DNAH12: variants seen among roughly 807,000 people sequenced by gnomAD.
DNAH12 encodes the protein axonemal beta dynein heavy chain 12.
In DNAH12, 285 loss-of-function variants were observed where a neutral mutation model predicts 371.5. The ratio of observed to expected loss-of-function variants is 0.77; its 90% confidence interval spans 0.70 to 0.85. The LOEUF (loss-of-function observed/expected upper bound fraction) is 0.85. DNAH12 is among the 40% of genes least tolerant of loss of function. The pLI, the probability that DNAH12 is intolerant of heterozygous loss-of-function variation, is 0.00. For missense variants in DNAH12, 3,611 were observed against 3,689.4 expected (o/e 0.98, Z 0.55); for synonymous variants, 1,200 against 1,213.0 (o/e 0.99, Z 0.22).
At chr3:57,449,552 G>A (rs1347518062) in intron 25 of DNAH12, among the ~76,000 whole-genome samples, 1 of 152,202 alleles carries the variant, frequency 6.6e-6, no homozygotes, top group Non-Finnish European at 1.5e-5. Flanking sequence ...TGGCACTGCT[G>A]GGGGACCCAG....
rs553194828 is a variant in DNAH12 at position 57,346,176 on chromosome 3, T to C, written c.9674+5909A>G. Among the ~76,000 whole-genome samples, 62 of 152,272 alleles carry C rather than the reference T, an allele frequency of 4.1e-4. No homozygotes were observed. The South Asian group carries it at 0.011, about 28-fold the overall frequency. On this transcript the variant is annotated intron_variant, in intron 60 of 73. Coordinates refer to ENST00000495027, the MANE Select transcript of DNAH12 (RefSeq NM_001366028.2). Reference sequence around the variant, plus strand: ...GGAACCAAAAAATACATACAATTATTATATGTTAATTAAAAGATACAAAAA... The same window carrying C: ...GGAACCAAAAAATACATACAATTATCATATGTTAATTAAAAGATACAAAAA...
At chr3:57,405,607 A>C in intron 41 of DNAH12, 46 bp downstream of exon 41, 2 of 1,492,534 alleles carry the variant, frequency 1.3e-6, no homozygotes, top group Non-Finnish European at 1.8e-6. Context: ...AACAATTCAT[A>C]TATGGTACTG....
In DNAH12 at chr3:57,477,716, T is replaced by A. The variant is rs373509866; in HGVS notation, c.1651-5045A>T. 2.6e-5 allele frequency among the ~76,000 whole-genome samples: 4 copies of A among 152,278 alleles called. No individual in the cohort carries two copies. The East Asian group carries it at 5.8e-4, about 22-fold the overall frequency. ...CACCTCACACGGCCGGGTACTCTTC[T>A]GAGACAAAACTTCCAGAGGAACGAT... On this transcript the variant is annotated intron_variant, in intron 13 of 73. Coordinates refer to ENST00000495027, the MANE Select transcript of DNAH12 (RefSeq NM_001366028.2).
rs370848957 is a variant in DNAH12 at position 57,296,382 on chromosome 3, G to T, written c.11586C>A (p.His3862Gln). 1 of 1,550,674 alleles carries T rather than the reference G, an allele frequency of 6.4e-7. No individual in the cohort carries two copies. Among genetic ancestry groups the T allele is most frequent in the Non-Finnish European group, 8.7e-7 (1 of 1,146,538 alleles). Residue 3862 changes from histidine (H) to glutamine (Q), a missense_variant, in exon 72 of 74, where the codon CAC becomes CAA. His to Gln is a conservative substitution (Grantham distance 24, BLOSUM62 0). Transcript: ENST00000495027. Reference protein sequence around the residue: ...DTSPEDGVYIHGLYLDGARWD... With the variant: ...DTSPEDGVYIQGLYLDGARWD... ...AGCGTGCGCCATCGAGATACAGTCC[G>T]TGGATATAAACACCATCTTCTGGTG...
intron 30 of DNAH12, 82 bp downstream of exon 30, chr3:57,436,869 C>G (rs1420213502): frequency 1.9e-6 from 2 of 1,032,330 alleles, no homozygotes; most frequent in African/African-American, 1.7e-5. Context: ...ATCAGTTTGC[C>G]AAGTCTTTGG....
intron 49 of DNAH12, 59 bp from the exon 50 acceptor site, chr3:57,382,452 A>G (rs944492803): frequency 6.6e-6 from 1 of 152,212 alleles, no homozygotes; most frequent in Non-Finnish European, 1.5e-5. Context: ...CTTTTAAATA[A>G]TGAAAAATTT....
At chr3:57,394,069 C>T (rs2063688723) in intron 44 of DNAH12, 102 bp downstream of exon 44, 1 of 152,120 alleles carries the variant, frequency 6.6e-6, no homozygotes, top group Admixed American at 6.5e-5. Context: ...TAATTACCCC[C>T]AAACTCATAT....
rs1306933330 is a variant in DNAH12 at position 57,415,419 on chromosome 3, A to G, written c.5853+7T>C. 6.5e-7 allele frequency: 1 copy of G among 1,547,190 alleles called. No homozygotes were observed. The highest frequency in any genetic ancestry group is 1.4e-5 in the African/African-American group (1 of 72,914). ...CGATAGACCCCCATTTCTGTCTTTAAACTAACCTGAACCTGATTGGCGCTG... is the reference window on the plus strand; with the variant it reads ...CGATAGACCCCCATTTCTGTCTTTAGACTAACCTGAACCTGATTGGCGCTG... On this transcript the variant is annotated splice_region_variant and intron_variant, in intron 38 of 73. Transcript: ENST00000495027.
rs751298805 is a variant in DNAH12, at chr3:57,510,963, A to C, written c.296T>G (p.Met99Arg). 9.4e-6 allele frequency: 15 copies of C among 1,598,614 alleles called. No homozygotes were observed. In the Admixed American group the frequency reaches 2.8e-4, roughly 30 times the overall value. Residue 99 changes from methionine to arginine, a missense_variant, in exon 5 of 74, where the codon ATG (methionine) becomes AGG (arginine). By Grantham distance (91) the Met-to-Arg change is moderately conservative. Coordinates refer to ENST00000495027, the MANE Select transcript of DNAH12 (RefSeq NM_001366028.2). The stretch of plus-strand genomic sequence containing the variant: ...AGGACTACTTTCTACACATTGCTTC[A>C]TATAAATATAGTTGAACTGAGAACA... ...MKKKGFNYIY[M>R]KQCVESSPLV...
rs755002519 is a variant in DNAH12, at chr3:57,457,753, T to C, written c.3304A>G (p.Ser1102Gly). The change falls in exon 22 of 74, where the codon AGT becomes GGT. Residue 1102 changes from serine (S) to glycine (G), a missense_variant. By Grantham distance (56) the Ser-to-Gly change is moderately conservative. Around this residue, in one of 3 missense-constraint regions of DNAH12, gnomAD observed 1,314 missense variants for 1,398.7 expected, o/e 0.94. Transcript: ENST00000495027. ...LIQVEDLMLR[S>G]VHDVIAAARL... ...GCTGCAGCGATCACATCGTGAACAC[T>C]CCGGAGCATTAGGTCTTCCACTTGA... 3 of 1,551,334 alleles carry C rather than the reference T, an allele frequency of 1.9e-6. No homozygotes were observed. Among genetic ancestry groups the C allele is most frequent in the Non-Finnish European group, 2.6e-6 (3 of 1,146,962 alleles).
intron 42 of DNAH12, among the ~76,000 whole-genome samples, chr3:57,404,490 C>T (rs181812614): frequency 2.2e-4 from 33 of 152,116 alleles, no homozygotes; most frequent in East Asian, 5.8e-4. Context: ...CCAAGGCAGG[C>T]GGATCACTTG....
At position 57,501,383 on chromosome 3, in the gene DNAH12, T is replaced by C. The variant is rs1469625521; in HGVS notation, c.1273A>G (p.Thr425Ala). 3 of 1,575,616 alleles carry C rather than the reference T, an allele frequency of 1.9e-6. No individual in the cohort carries two copies. Among genetic ancestry groups the C allele is most frequent in the Non-Finnish European group, 1.7e-6 (2 of 1,158,628 alleles). ...VEKYNWLLDG[T>A]AVENIETFQT... ...AAAGTCTCTATATTCTCAACTGCAG[T>C]CCCATCAAGGAGCCAATTATATTTT... The change falls in exon 11 of 74, where the codon ACT becomes GCT. Residue 425 changes from threonine to alanine, a missense_variant. Transcript: ENST00000495027.
chr3:57,326,161 C>G (rs1575454729), intron 62 of DNAH12, among the ~76,000 whole-genome samples: 1 of 151,806 alleles, frequency 6.6e-6, no homozygotes, highest in African/African-American at 2.4e-5. Context: ...GAGAACTTCC[C>G]CAATCTAGCA....
At chr3:57,537,979 G>A (rs573653883) in intron 2 of DNAH12, among the ~76,000 whole-genome samples, 5 of 152,104 alleles carry the variant, frequency 3.3e-5, no homozygotes, top group African/African-American at 7.2e-5. Context: ...CACCACGCCC[G>A]GCTGAAAGTT....
chr3:57,294,839 G>T (rs4681968), intron 73 of DNAH12, among the ~76,000 whole-genome samples: 28,328 of 152,108 alleles, frequency 0.19, 2,956 homozygotes, highest in African/African-American at 0.25. Context: ...CTAAGGTCAC[G>T]TTTCTCATAG....
chr3:57,306,259 A>G (rs74478738), intron 69 of DNAH12, among the ~76,000 whole-genome samples: 4,825 of 152,142 alleles, frequency 0.032, 90 homozygotes, highest in East Asian at 0.046. Context: ...TAATCAATAC[A>G]GAGGCTACCC....
chr3:57,371,351 C>T (rs1033919041), intron 55 of DNAH12, among the ~76,000 whole-genome samples: 1 of 152,000 alleles, frequency 6.6e-6, no homozygotes, highest in African/African-American at 2.4e-5. Context: ...TCACAGTATT[C>T]ATTTCTTACA....
chr3:57,485,382 T>C (rs1268381368), intron 12 of DNAH12, among the ~76,000 whole-genome samples: 2 of 151,652 alleles, frequency 1.3e-5, no homozygotes, highest in Non-Finnish European at 2.9e-5. Context: ...TTGCTGTAAC[T>C]TGGATGGAGC....
chr3:57,296,736 C>A, intron 71 of DNAH12, 111 bp downstream of exon 71: 2 of 1,228,948 alleles, frequency 1.6e-6, no homozygotes, highest in South Asian at 1.6e-5. Context: ...AATATTCTTA[C>A]AACACAAAGA....
Sources: gnomAD v4.1 joint callset for allele counts (sites outside exome capture counted in the v4.1 genomes callset) on GRCh38, gnomAD v4.1.1 for gene constraint, gnomAD v4.1.1 regional missense constraint, MANE v1.5 for transcripts, NCBI Gene and HGNC (gene_info 2026-07-23, HGNC 2026-07-21) for gene names.